Variants in DCUN1D1 observed in about 807,000 individuals in gnomAD.
DCUN1D1 encodes the protein defective in cullin neddylation 1 domain containing 1.
In DCUN1D1, 3 loss-of-function variants were observed where a neutral mutation model predicts 39.0. The ratio of observed to expected loss-of-function variants is 0.08; its 90% CI spans 0.04 to 0.20. DCUN1D1 has a LOEUF of 0.20. Ranked by LOEUF, DCUN1D1 falls within the 10% of genes least tolerant of loss-of-function variation. The probability of loss-of-function intolerance (pLI) is 1.00; values close to 1 mark genes in which losing one functional copy is unlikely to be tolerated. For missense variants in DCUN1D1, 158 were observed against 302.4 expected (o/e 0.52, Z 3.54); for synonymous variants, 82 against 96.3 (o/e 0.85, Z 0.87).
At chr3:182,954,604 C>T (rs1726932357) in intron 4 of DCUN1D1, among the ~76,000 whole-genome samples, 1 of 150,676 alleles carries the variant, frequency 6.6e-6, no homozygotes, top group Non-Finnish European at 1.5e-5. Flanking sequence ...TCTGTGTGCA[C>T]ATTTCACGAG....
chr3:182,964,630 CCTTT>C (rs1325762608), intron 2 of DCUN1D1, among the ~76,000 whole-genome samples: 13 of 149,812 alleles, frequency 8.7e-5, no homozygotes, highest in Admixed American at 2.0e-4. Context: ...TTTACTAACA[CCTTT>C]CTTTTTTTTT....
At chr3:182,953,871 A>G (rs1726880431) in intron 4 of DCUN1D1, among the ~76,000 whole-genome samples, 1 of 152,208 alleles carries the variant, frequency 6.6e-6, no homozygotes, top group Admixed American at 6.5e-5. Flanking sequence ...GCAAACAGAG[A>G]TACTCCCCAT....
At chr3:182,947,136 G>C in intron 6 of DCUN1D1, 102 bp downstream of exon 6, 1 of 621,846 alleles carries the variant, frequency 1.6e-6, no homozygotes, top group Non-Finnish European at 2.7e-6. Context: ...GCTCAGCGGA[G>C]GGAATTCCAA....
intron 1 of DCUN1D1, among the ~76,000 whole-genome samples, chr3:182,969,748 A>AG (rs1474398938): frequency 6.6e-6 from 1 of 152,198 alleles, no homozygotes; most frequent in Non-Finnish European, 1.5e-5. Context: ...CAAAAAAAGC[A>AG]GGGGGGAGGA....
intron 4 of DCUN1D1, among the ~76,000 whole-genome samples, chr3:182,960,314 T>A (rs1453402109): frequency 6.6e-6 from 1 of 152,210 alleles, no homozygotes; most frequent in Non-Finnish European, 1.5e-5. Context: ...CCTTTCTGAT[T>A]TCAAAAGAAG....
At chr3:182,953,142 T>G (rs1405749974) in intron 4 of DCUN1D1, among the ~76,000 whole-genome samples, 1 of 152,218 alleles carries the variant, frequency 6.6e-6, no homozygotes, top group East Asian at 1.9e-4. Flanking sequence ...TGTGCATTCA[T>G]TCTTCAAGGC....
chr3:182,958,558 T>G (rs1453736210), intron 4 of DCUN1D1, among the ~76,000 whole-genome samples: 1 of 152,206 alleles, frequency 6.6e-6, no homozygotes, highest in Non-Finnish European at 1.5e-5. Context: ...GTTTATCATC[T>G]GAATCTTTTT....
chr3:182,980,309 G>A (rs1368212236), intron 1 of DCUN1D1, 178 bp downstream of exon 1: 5 of 368,082 alleles, frequency 1.4e-5, no homozygotes, highest in East Asian at 1.6e-4. Flanking sequence ...CGGGCGGGAA[G>A]GGGCGAAGGA....
At chr3:182,973,906 T>C (rs1728080818) in intron 1 of DCUN1D1, among the ~76,000 whole-genome samples, 1 of 152,178 alleles carries the variant, frequency 6.6e-6, no homozygotes, top group Non-Finnish European at 1.5e-5. Flanking sequence ...AGTAGGCAAC[T>C]AATGAAAATT....
chr3:182,946,993 T>C (rs1404804616), intron 6 of DCUN1D1, among the ~76,000 whole-genome samples: 1 of 152,092 alleles, frequency 6.6e-6, no homozygotes, highest in African/African-American at 2.4e-5. Context: ...TCCTAGCTCC[T>C]TGGGAGGCTG....
At chr3:182,982,635 G>T (rs2108413301), upstream of DCUN1D1, among the ~76,000 whole-genome samples, 1 of 152,060 alleles carries the variant, frequency 6.6e-6, no homozygotes, top group South Asian at 2.1e-4. Flanking sequence ...AATTCTTTTT[G>T]TTGTTGTATT....
chr3:182,951,056 G>C (rs1262618690), intron 4 of DCUN1D1: 1 of 143,988 alleles, frequency 6.9e-6, no homozygotes, highest in Admixed American at 7.0e-5. Flanking sequence ...ATTTCTAATG[G>C]CACTTCCCTT....
At chr3:182,946,662 A>ATCAAGAAG (rs1035560011) in intron 6 of DCUN1D1, among the ~76,000 whole-genome samples, 1 of 152,156 alleles carries the variant, frequency 6.6e-6, no homozygotes, top group Non-Finnish European at 1.5e-5. Flanking sequence ...ACAAAAGTAC[A>ATCAAGAAG]TCAAGAAGTA....
chr3:182,984,983 C>T (rs1326245716), upstream of DCUN1D1, among the ~76,000 whole-genome samples: 2 of 152,146 alleles, frequency 1.3e-5, no homozygotes, highest in Non-Finnish European at 2.9e-5. Context: ...CAATTTTGCC[C>T]AACATTTACA....
At chr3:182,980,402 G>C (rs1439472291) in intron 1 of DCUN1D1, 85 bp downstream of exon 1, 6 of 974,004 alleles carry the variant, frequency 6.2e-6, no homozygotes, top group Non-Finnish European at 7.4e-6. Context: ...CAGGGTCGCC[G>C]CGGGACGGAG....
chr3:182,951,617 CAAAAAAAAAAAAA>C lies in DCUN1D1; in HGVS notation c.521-3998_521-3986del, dbSNP rs748698621. Among the ~76,000 whole-genome samples, 5 of 44,382 alleles carry C rather than the reference CAAAAAAAAAAAAA, an allele frequency of 1.1e-4. No homozygotes were observed. In the East Asian group the frequency reaches 3.1e-3, roughly 27 times the overall value. The allele number at this position is 44,382 out of a possible 152,430, so 29.1% of individuals were successfully genotyped here. On this transcript the variant is annotated intron_variant, in intron 4 of 6. Coordinates refer to ENST00000292782, the MANE Select transcript of DCUN1D1 (RefSeq NM_020640.4). The stretch of plus-strand genomic sequence containing the variant: ...GGTGACAGAGAGAGACCCTGTCTCC[CAAAAAAAAAAAAA>C]AAAAAAAAAAAAAAAACCACCACAC...
chr3:182,976,380 C>T (rs1728239663), intron 1 of DCUN1D1, among the ~76,000 whole-genome samples: 1 of 151,760 alleles, frequency 6.6e-6, no homozygotes, highest in East Asian at 1.9e-4. Flanking sequence ...ACCCCCACTC[C>T]TTGCCACCTA....
At chr3:182,946,232 A>G (rs928032444) in intron 6 of DCUN1D1, among the ~76,000 whole-genome samples, 3 of 152,162 alleles carry the variant, frequency 2.0e-5, no homozygotes, top group Non-Finnish European at 4.4e-5. Context: ...CTGAATGCCA[A>G]TAGTACTATA....
intron 3 of DCUN1D1, among the ~76,000 whole-genome samples, chr3:182,962,484 C>T (rs1174905772): frequency 6.6e-6 from 1 of 152,202 alleles, no homozygotes; most frequent in East Asian, 1.9e-4. Flanking sequence ...CCAGCAGTAT[C>T]CACTAGTGGT....
Sources: gnomAD v4.1 joint callset for allele counts (sites outside exome capture counted in the v4.1 genomes callset) on GRCh38, gnomAD v4.1.1 for gene constraint, MANE v1.5 for transcripts, NCBI Gene and HGNC (gene_info 2026-07-23, HGNC 2026-07-21) for gene names.